Variants in CHST9 observed in about 807,000 individuals in gnomAD.
CHST9 encodes GalNAc-4-sulfotransferase 2.
A neutral mutation model predicts 44.4 loss-of-function variants in CHST9; 41 were observed. That is an observed-to-expected ratio of 0.92 (90% CI 0.72 to 1.20). The LOEUF (loss-of-function observed/expected upper bound fraction) is 1.20. Among genes scored for constraint, CHST9 ranks in the 50% most tolerant of loss-of-function variants. The pLI, the probability that CHST9 is intolerant of heterozygous loss-of-function variation, is 0.00. For missense variants in CHST9, 504 were observed against 516.5 expected, an observed-to-expected ratio of 0.98 and a Z score of 0.23; for synonymous variants, 171 against 178.4, an observed-to-expected ratio of 0.96 and a Z score of 0.33.
intron 4 of CHST9, among the ~76,000 whole-genome samples, chr18:26,984,377 T>C (rs2056728854): frequency 6.6e-6 from 1 of 152,164 alleles, no homozygotes; most frequent in African/African-American, 2.4e-5. Context: ...TTGGATAGAT[T>C]GTAGAAGTAC....
At chr18:27,103,982 C>T (rs1000596090) in intron 2 of CHST9, among the ~76,000 whole-genome samples, 1 of 152,134 alleles carries the variant, frequency 6.6e-6, no homozygotes, top group African/African-American at 2.4e-5. Context: ...GAGAATTCAA[C>T]TTATTTTAAT....
intron 3 of CHST9, among the ~76,000 whole-genome samples, chr18:27,032,563 A>G (rs1178563333): frequency 6.6e-6 from 1 of 152,082 alleles, no homozygotes; most frequent in Non-Finnish European, 1.5e-5. Flanking sequence ...CATTTGTTTT[A>G]TGCACACCCT....
At chr18:26,970,587 C>G (rs1228248679) in intron 4 of CHST9, among the ~76,000 whole-genome samples, 1 of 152,158 alleles carries the variant, frequency 6.6e-6, no homozygotes, top group African/African-American at 2.4e-5. Flanking sequence ...TGCCACCACA[C>G]CTGGCTAATT....
intron 2 of CHST9, among the ~76,000 whole-genome samples, chr18:27,087,134 C>G (rs2058020734): frequency 6.6e-6 from 1 of 152,066 alleles, no homozygotes; most frequent in Admixed American, 6.6e-5. Context: ...AATAATAAAA[C>G]TACAGAACAC....
chr18:27,062,531 T>C (rs952190784), intron 2 of CHST9, among the ~76,000 whole-genome samples: 2 of 152,230 alleles, frequency 1.3e-5, no homozygotes, highest in African/African-American at 4.8e-5. Flanking sequence ...ATGGTGTATA[T>C]GTGCCACATT....
rs745315555 is a variant in CHST9, at chr18:26,916,605, T to G, written c.986A>C (p.Lys329Thr). ...EEALINGSGV[K>T]FKEFIHYLLD... ...CAAGTAGTGGATAAACTCTTTGAACTTGACTCCAGATCCATTAATTAATGC... is the reference window on the plus strand; with the variant it reads ...CAAGTAGTGGATAAACTCTTTGAACGTGACTCCAGATCCATTAATTAATGC... Residue 329 changes from lysine (K) to threonine (T), a missense_variant, in exon 6 of 6, where the codon AAG becomes ACG. Lys to Thr is a moderately conservative substitution (Grantham distance 78). Coordinates refer to ENST00000618847, the MANE Select transcript of CHST9 (RefSeq NM_031422.6). 4 of 1,613,840 alleles carry G rather than the reference T, an allele frequency of 2.5e-6. No homozygotes were observed. Among genetic ancestry groups the G allele is most frequent in the Non-Finnish European group, 3.4e-6 (4 of 1,179,786 alleles).
intron 5 of CHST9, chr18:26,933,687 G>A (rs1443729897): frequency 6.5e-6 from 1 of 153,698 alleles, no homozygotes; most frequent in East Asian, 1.9e-4. Context: ...CACCTACTAT[G>A]TGCATTATTT....
intron 2 of CHST9, among the ~76,000 whole-genome samples, chr18:27,075,353 G>A (rs961252451): frequency 3.3e-5 from 5 of 151,848 alleles, no homozygotes; most frequent in African/African-American, 4.8e-5. Context: ...CAAAGAGGGG[G>A]ACAGAGAAGA....
chr18:27,101,542 G>A (rs1039135816), intron 2 of CHST9, among the ~76,000 whole-genome samples: 2 of 152,088 alleles, frequency 1.3e-5, no homozygotes, highest in East Asian at 1.9e-4. Context: ...CCCGGGAGGC[G>A]GAGCTTGCAG....
At chr18:27,138,150 T>G (rs1285859567) in intron 2 of CHST9, among the ~76,000 whole-genome samples, 4 of 152,202 alleles carry the variant, frequency 2.6e-5, no homozygotes, top group Non-Finnish European at 5.9e-5. Flanking sequence ...AAAGGACTCC[T>G]CCTTTTGTCC....
At chr18:27,086,703 T>C (rs944761097) in intron 2 of CHST9, among the ~76,000 whole-genome samples, 2 of 152,164 alleles carry the variant, frequency 1.3e-5, no homozygotes, top group South Asian at 4.1e-4. Context: ...AGGTGATAAT[T>C]ACTTTAAAAA....
intron 2 of CHST9, among the ~76,000 whole-genome samples, chr18:27,133,407 G>A (rs78179172): frequency 0.011 from 1,713 of 152,240 alleles, 27 homozygotes; most frequent in African/African-American, 0.036. Context: ...GCAAAAGCAG[G>A]GGACAGCACG....
At chr18:27,069,172 T>C (rs55783081) in intron 2 of CHST9, among the ~76,000 whole-genome samples, 25 of 152,330 alleles carry the variant, frequency 1.6e-4, no homozygotes, top group Non-Finnish European at 2.9e-4. Flanking sequence ...AACTGTAGAA[T>C]AGATAAAGAC....
intron 2 of CHST9, among the ~76,000 whole-genome samples, chr18:27,109,444 C>A (rs1466287201): frequency 6.6e-6 from 1 of 152,126 alleles, no homozygotes; most frequent in Non-Finnish European, 1.5e-5. Context: ...TGGATTTATG[C>A]GGCAAAATAC....
chr18:27,048,805 G>A (rs1001448613), intron 2 of CHST9, among the ~76,000 whole-genome samples: 2 of 150,480 alleles, frequency 1.3e-5, no homozygotes, highest in Non-Finnish European at 3.0e-5. Context: ...AAACCATTAT[G>A]GGGAAAACAG....
intron 1 of CHST9, among the ~76,000 whole-genome samples, chr18:27,157,739 C>G (rs1266526687): frequency 6.6e-6 from 1 of 151,630 alleles, no homozygotes; most frequent in Non-Finnish European, 1.5e-5. Flanking sequence ...TAGAATAATG[C>G]CAGCAAATCA....
rs16943144 is a variant in CHST9 at position 26,998,903 on chromosome 18, C to T, written c.202+25213G>A. On this transcript the variant is annotated intron_variant, in intron 4 of 5. Transcript: ENST00000618847. Reference sequence around the variant, plus strand: ...CGGGAAGGACCTTTGAGGCCACGCTCTTTCCCTCAGGGGACAGTGAGGTGC... The same window carrying T: ...CGGGAAGGACCTTTGAGGCCACGCTTTTTCCCTCAGGGGACAGTGAGGTGC... Among the ~76,000 whole-genome samples, 583 of 152,190 alleles carry T rather than the reference C, an allele frequency of 3.8e-3. 3 individuals are homozygous for T. Among genetic ancestry groups the T allele is most frequent in the African/African-American group, 0.014 (568 of 41,552 alleles).
At chr18:27,005,201 T>G (rs2057001840) in intron 4 of CHST9, among the ~76,000 whole-genome samples, 1 of 152,196 alleles carries the variant, frequency 6.6e-6, no homozygotes, top group Admixed American at 6.5e-5. Flanking sequence ...CAGTTTTATG[T>G]CTGTAAAATG....
intron 1 of CHST9, among the ~76,000 whole-genome samples, chr18:27,174,345 T>C (rs888612683): frequency 2.0e-5 from 3 of 151,998 alleles, no homozygotes; most frequent in African/African-American, 4.8e-5. Flanking sequence ...TGCCTGATCG[T>C]TTGTTTCCTC....
Sources: gnomAD v4.1 joint callset for allele counts (sites outside exome capture counted in the v4.1 genomes callset) on GRCh38, gnomAD v4.1.1 for gene constraint, MANE v1.5 for transcripts, NCBI Gene and HGNC (gene_info 2026-07-23, HGNC 2026-07-21) for gene names.